Variants in PRKCA observed in about 807,000 individuals in gnomAD.
PRKCA encodes the protein protein kinase C alpha.
Under a neutral mutation model 87.0 loss-of-function variants are expected in PRKCA, and 27 were observed. The observed-to-expected ratio is 0.31, with a 90% CI of 0.23 to 0.43. The LOEUF is 0.43. PRKCA is among the 20% of genes least tolerant of loss of function. The pLI is 1.00. For missense variants in PRKCA, 518 were observed against 852.3 expected (o/e 0.61, Z 4.88); for synonymous variants, 329 against 311.1 (o/e 1.06, Z -0.61).
chr17:66,589,037 A>T (rs1329778933), intron 3 of PRKCA, among the ~76,000 whole-genome samples: 1 of 152,140 alleles, frequency 6.6e-6, no homozygotes, highest in East Asian at 1.9e-4. Flanking sequence ...CAAGTTGCTG[A>T]TACCTTAGGT....
intron 16 of PRKCA, among the ~76,000 whole-genome samples, chr17:66,798,465 T>TGGTGGTGGTGGTGGTGAC (rs1975742657): frequency 1.2e-5 from 1 of 85,260 alleles, no homozygotes; most frequent in Admixed American, 1.2e-4. Context: ...GTGGTGGTGG[T>TGGTGGTGGTGGTGGTGAC]GGTGGTGGTG....
chr17:66,749,710 T>C (rs898502823), intron 13 of PRKCA, among the ~76,000 whole-genome samples: 1 of 152,162 alleles, frequency 6.6e-6, no homozygotes. Flanking sequence ...CACGCTGCGC[T>C]CCTGGATGTG....
At chr17:66,736,220 G>A (rs1240531404) in intron 10 of PRKCA, among the ~76,000 whole-genome samples, 1 of 151,168 alleles carries the variant, frequency 6.6e-6, no homozygotes, top group South Asian at 2.1e-4. Context: ...TTTTCTTCAT[G>A]CCTGGTACTG....
At chr17:66,336,267 C>T (rs1567777550) in intron 2 of PRKCA, among the ~76,000 whole-genome samples, 1 of 152,106 alleles carries the variant, frequency 6.6e-6, no homozygotes, top group Non-Finnish European at 1.5e-5. Flanking sequence ...ACTGTGTTTA[C>T]AGTCTAGTGG....
At chr17:66,618,143 T>G (rs560384605) in intron 3 of PRKCA, among the ~76,000 whole-genome samples, 4 of 151,988 alleles carry the variant, frequency 2.6e-5, no homozygotes, top group Non-Finnish European at 5.9e-5. Flanking sequence ...TCACCTGAGG[T>G]CAGGAGTTCG....
At chr17:66,492,122 T>A (rs1162259794) in intron 2 of PRKCA, among the ~76,000 whole-genome samples, 2 of 152,258 alleles carry the variant, frequency 1.3e-5, no homozygotes, top group Non-Finnish European at 2.9e-5. Context: ...ATAACGTGTC[T>A]ATGAGTGGCT....
intron 13 of PRKCA, among the ~76,000 whole-genome samples, chr17:66,753,044 T>A (rs1437366623): frequency 6.6e-6 from 1 of 152,222 alleles, no homozygotes. Flanking sequence ...GAGGCAAAAT[T>A]GAGCAACTGT....
At chr17:66,725,594 T>C (rs1325372749) in intron 8 of PRKCA, among the ~76,000 whole-genome samples, 3 of 151,670 alleles carry the variant, frequency 2.0e-5, no homozygotes, top group Non-Finnish European at 2.9e-5. Context: ...GTGGATCACT[T>C]GAGCTCAGGC....
chr17:66,751,526 A>G (rs1199295243), intron 13 of PRKCA, among the ~76,000 whole-genome samples: 6 of 152,242 alleles, frequency 3.9e-5, no homozygotes. Context: ...AATCCAGCTA[A>G]TAAAGCTCTT....
intron 2 of PRKCA, among the ~76,000 whole-genome samples, chr17:66,348,983 T>TA (rs1331759713): frequency 1.3e-5 from 2 of 152,238 alleles, no homozygotes; most frequent in Non-Finnish European, 2.9e-5. Flanking sequence ...GATTTTTTCA[T>TA]AAAACCTTTC....
intron 2 of PRKCA, among the ~76,000 whole-genome samples, chr17:66,487,328 C>G (rs2144076549): frequency 6.6e-6 from 1 of 152,284 alleles, no homozygotes; most frequent in East Asian, 1.9e-4. Context: ...CAGTTCTTTT[C>G]ATGTTGCTGC....
At chr17:66,795,846 C>T (rs1276445962) in intron 16 of PRKCA, among the ~76,000 whole-genome samples, 1 of 152,190 alleles carries the variant, frequency 6.6e-6, no homozygotes, top group Non-Finnish European at 1.5e-5. Flanking sequence ...GATTACAGCC[C>T]ATGATAAGCC....
At chr17:66,532,916 C>T (rs140059537) in intron 3 of PRKCA, among the ~76,000 whole-genome samples, 34 of 152,244 alleles carry the variant, frequency 2.2e-4, no homozygotes, top group African/African-American at 3.9e-4. Flanking sequence ...CACAGCATCC[C>T]GGGGAGTGGA....
At chr17:66,627,996 G>A (rs965296226) in intron 3 of PRKCA, among the ~76,000 whole-genome samples, 1 of 152,172 alleles carries the variant, frequency 6.6e-6, no homozygotes, top group African/African-American at 2.4e-5. Flanking sequence ...GTTGATGGGG[G>A]TACCTAACTC....
chr17:66,721,917 C>T (rs1973624973), intron 8 of PRKCA, among the ~76,000 whole-genome samples: 2 of 152,150 alleles, frequency 1.3e-5, no homozygotes, highest in African/African-American at 4.8e-5. Flanking sequence ...GATGGAGTTG[C>T]TCTGGTTTGA....
At chr17:66,457,096 G>A (rs1914607581) in intron 2 of PRKCA, among the ~76,000 whole-genome samples, 2 of 152,176 alleles carry the variant, frequency 1.3e-5, no homozygotes, top group Non-Finnish European at 1.5e-5. Flanking sequence ...TGCCTACACT[G>A]ATCATGCCAG....
At chr17:66,606,774 G>T (rs879871137) in intron 3 of PRKCA, among the ~76,000 whole-genome samples, 2 of 151,918 alleles carry the variant, frequency 1.3e-5, no homozygotes, top group Non-Finnish European at 2.9e-5. Context: ...AACATTTGTG[G>T]CTATTCTATT....
Position 66,413,453 on chromosome 17 carries a change from A to G in PRKCA, c.206-82748A>G, listed in dbSNP as rs77039810. On this transcript the variant is annotated intron_variant, in intron 2 of 16. Coordinates refer to ENST00000413366, the MANE Select transcript of PRKCA (RefSeq NM_002737.3). ...TTACATCATTGACCATTGGTGATCA[A>G]TTCAACCCGCAGCCTCTCTCCCTTC... Among the ~76,000 whole-genome samples, 775 of 152,216 alleles carry G rather than the reference A, an allele frequency of 5.1e-3. 8 individuals carry two copies. Among genetic ancestry groups the G allele is most frequent in the African/African-American group, 0.018 (736 of 41,532 alleles).
chr17:66,802,582 A>G (rs145308934), intron 16 of PRKCA, among the ~76,000 whole-genome samples: 3 of 152,256 alleles, frequency 2.0e-5, no homozygotes, highest in African/African-American at 4.8e-5. Flanking sequence ...AAGTGTGAAA[A>G]AAGAGCTGAG....
Sources: gnomAD v4.1 joint callset for allele counts (sites outside exome capture counted in the v4.1 genomes callset) on GRCh38, gnomAD v4.1.1 for gene constraint, MANE v1.5 for transcripts, NCBI Gene and HGNC (gene_info 2026-07-23, HGNC 2026-07-21) for gene names.